Variants in ZMIZ1 observed in about 807,000 individuals in gnomAD.
The protein encoded by ZMIZ1 is zinc finger MIZ-type containing 1.
In ZMIZ1, 17 loss-of-function variants were observed where a neutral mutation model predicts 113.9. The observed-to-expected ratio is 0.15, with a 90% CI of 0.10 to 0.22. The LOEUF (loss-of-function observed/expected upper bound fraction) is 0.22. Among genes scored for constraint, ZMIZ1 ranks in the 10% least tolerant of loss-of-function variants. The probability of loss-of-function intolerance (pLI) is 1.00; values close to 1 mark genes in which losing one functional copy is unlikely to be tolerated. For missense variants in ZMIZ1, 1,059 were observed against 1,477.8 expected (o/e 0.72, Z 4.65); for synonymous variants, 607 against 603.1 (o/e 1.01, Z -0.09).
chr10:79,081,334 C>G (rs576452138), intron 1 of ZMIZ1, among the ~76,000 whole-genome samples: 2 of 152,314 alleles, frequency 1.3e-5, no homozygotes, highest in East Asian at 3.9e-4. Context: ...CTTATTATCT[C>G]TGCCTCTGGT....
Position 79,208,463 on chromosome 10 carries a change from CTG to C in ZMIZ1, c.174+16_174+17del. 6.2e-7 allele frequency: 1 copy of C among 1,605,642 alleles called. No individual in the cohort carries two copies. ...GGCTGTTTGACGGTGAGTCTGCACC[CTG>C]TCCGCCTGCATTCCTGCCCAGGAAG... On this transcript the variant is annotated intron_variant, in intron 6 of 24. Transcript: ENST00000334512.
At chr10:79,167,002 C>T (rs772045327) in intron 4 of ZMIZ1, among the ~76,000 whole-genome samples, 28 of 152,386 alleles carry the variant, frequency 1.8e-4, no homozygotes, top group Non-Finnish European at 3.5e-4. Flanking sequence ...GCTGCGGCTC[C>T]ACCGTGCTGC....
intron 1 of ZMIZ1, among the ~76,000 whole-genome samples, chr10:79,084,569 A>G (rs1234816233): frequency 6.6e-6 from 1 of 152,162 alleles, no homozygotes; most frequent in Non-Finnish European, 1.5e-5. Flanking sequence ...GCTCTTTCCC[A>G]TCCCTGAGCC....
At chr10:79,277,745 C>T (rs1005783077) in intron 8 of ZMIZ1, among the ~76,000 whole-genome samples, 5 of 152,210 alleles carry the variant, frequency 3.3e-5, no homozygotes, top group African/African-American at 1.2e-4. Context: ...TAAGACTGGG[C>T]TGGGTCCACC....
chr10:79,182,012 G>A (rs1200785499), intron 4 of ZMIZ1, among the ~76,000 whole-genome samples: 1 of 152,234 alleles, frequency 6.6e-6, no homozygotes, highest in Admixed American at 6.5e-5. Context: ...CCAGTGCCAA[G>A]CTGGAGAGAG....
At chr10:79,275,842 C>G (rs560156424) in intron 7 of ZMIZ1, among the ~76,000 whole-genome samples, 1 of 152,198 alleles carries the variant, frequency 6.6e-6, no homozygotes, top group East Asian at 1.9e-4. Context: ...GTCTACTCAT[C>G]TGTAGAATGA....
intron 12 of ZMIZ1, 108 bp downstream of exon 12, chr10:79,293,761 C>T: frequency 1.3e-6 from 2 of 1,540,866 alleles, no homozygotes; most frequent in South Asian, 2.2e-5. Flanking sequence ...CTCCAGCACA[C>T]TTGGACAAAG....
intron 1 of ZMIZ1, among the ~76,000 whole-genome samples, chr10:79,101,589 G>A (rs1041759653): frequency 1.3e-5 from 2 of 152,172 alleles, no homozygotes; most frequent in African/African-American, 4.8e-5. Context: ...GCACGGCCAC[G>A]TTCACAGGAC....
intron 6 of ZMIZ1, among the ~76,000 whole-genome samples, chr10:79,211,831 G>C (rs370027789): frequency 6.6e-6 from 1 of 152,232 alleles, no homozygotes; most frequent in Admixed American, 6.5e-5. Context: ...TCTCCCTCCC[G>C]TGGGCTTAGG....
rs12263204 is a variant in ZMIZ1, at chr10:79,289,930, C to T, written c.540+41C>T. The T allele has an allele frequency of 0.065, 102,385 of 1,583,278 alleles. 4,514 individuals carry two copies. The highest frequency in any genetic ancestry group is 0.22 in the African/African-American group (16,202 of 74,418). On this transcript the variant is annotated intron_variant, in intron 9 of 24. Coordinates refer to ENST00000334512, the MANE Select transcript of ZMIZ1 (RefSeq NM_020338.4). The stretch of plus-strand genomic sequence containing the variant: ...GCCCTCAGCCACAGCTCTTTCTAGG[C>T]GGGAGTGTCCCTTGACCCCTGGAGC...
At chr10:79,253,422 T>C (rs1850669634) in intron 7 of ZMIZ1, among the ~76,000 whole-genome samples, 2 of 152,248 alleles carry the variant, frequency 1.3e-5, no homozygotes, top group Admixed American at 1.3e-4. Context: ...GTTGACACAT[T>C]CCAATCCCCT....
chr10:79,104,947 T>TGGGGG (rs3222498), intron 1 of ZMIZ1, among the ~76,000 whole-genome samples: 1 of 134,970 alleles, frequency 7.4e-6, no homozygotes, highest in African/African-American at 2.8e-5. Context: ...GTTGTTGTTG[T>TGGGGG]GGGGTGTGTG....
At chr10:79,103,404 G>T (rs1476269570) in intron 1 of ZMIZ1, among the ~76,000 whole-genome samples, 3 of 152,222 alleles carry the variant, frequency 2.0e-5, no homozygotes, top group Non-Finnish European at 2.9e-5. Flanking sequence ...AGGCAAAGGA[G>T]CTGGCGAGGA....
intron 7 of ZMIZ1, among the ~76,000 whole-genome samples, chr10:79,241,986 G>T (rs1042897917): frequency 1.3e-5 from 2 of 152,150 alleles, no homozygotes; most frequent in African/African-American, 2.4e-5. Flanking sequence ...TAAGTGTTTG[G>T]GGCAGTTAGG....
intron 1 of ZMIZ1, among the ~76,000 whole-genome samples, chr10:79,116,560 C>CACA (rs1564659822): frequency 6.6e-6 from 1 of 152,034 alleles, no homozygotes; most frequent in African/African-American, 2.4e-5. Context: ...TGGGGGTGCA[C>CACA]AGAAGAGTGA....
intron 13 of ZMIZ1, 89 bp from the exon 14 acceptor site, chr10:79,297,523 GC>G: frequency 9.0e-7 from 1 of 1,111,796 alleles, no homozygotes; most frequent in Non-Finnish European, 1.4e-6. Flanking sequence ...GCATCCCCGT[GC>G]TCCTGGTAGA....
At chr10:79,272,700 A>T (rs1393764645) in intron 7 of ZMIZ1, among the ~76,000 whole-genome samples, 2 of 152,246 alleles carry the variant, frequency 1.3e-5, no homozygotes, top group East Asian at 3.8e-4. Context: ...GTTAGAATGG[A>T]TCGAGGTGAG....
intron 7 of ZMIZ1, among the ~76,000 whole-genome samples, chr10:79,225,966 A>G (rs1160953850): frequency 1.3e-5 from 2 of 152,148 alleles, no homozygotes; most frequent in Admixed American, 1.3e-4. Flanking sequence ...ACTAAACTGG[A>G]ATTTTAAGGG....
At chr10:79,102,928 A>G (rs1034225363) in intron 1 of ZMIZ1, among the ~76,000 whole-genome samples, 1 of 152,240 alleles carries the variant, frequency 6.6e-6, no homozygotes, top group Non-Finnish European at 1.5e-5. Flanking sequence ...GATAGAAAGC[A>G]GGAAACCAGC....
Sources: allele counts gnomAD v4.1 joint callset (sites outside exome capture counted in the v4.1 genomes callset), GRCh38; gene constraint gnomAD v4.1.1; transcripts MANE v1.5; gene names NCBI Gene and HGNC (gene_info 2026-07-23, HGNC 2026-07-21).